MACROD2: variants seen among roughly 807,000 people sequenced by gnomAD.
MACROD2 encodes mono-ADP ribosylhydrolase 2, also known as ADP-ribose glycohydrolase MACROD2.
MACROD2 carries 36 observed loss-of-function variants against 70.4 expected under a neutral mutation model. The observed-to-expected ratio is 0.51, with a 90% CI of 0.39 to 0.68. The LOEUF is 0.68. Ranked by LOEUF, MACROD2 falls within the 30% of genes least tolerant of loss-of-function variation. The pLI, the probability that MACROD2 is intolerant of heterozygous loss-of-function variation, is 0.00. For synonymous variants in MACROD2, 172 were observed against 178.8 expected, an observed-to-expected ratio of 0.96 and a Z score of 0.30; for missense variants, 496 against 538.4, an observed-to-expected ratio of 0.92 and a Z score of 0.78.
intron 3 of MACROD2, among the ~76,000 whole-genome samples, chr20:14,406,939 T>C (rs2083696669): frequency 6.6e-6 from 1 of 152,166 alleles, no homozygotes; most frequent in Admixed American, 6.6e-5. Flanking sequence ...AAAGAGCCTT[T>C]CTTGGAATGG....
At chr20:15,103,874 G>C (rs746122850) in intron 5 of MACROD2, among the ~76,000 whole-genome samples, 1 of 152,112 alleles carries the variant, frequency 6.6e-6, no homozygotes, top group South Asian at 2.1e-4. Flanking sequence ...ATGTGCTAGT[G>C]CAGGAATGAG....
intron 17 of MACROD2, among the ~76,000 whole-genome samples, chr20:16,048,607 A>G (rs2067416356): frequency 6.6e-6 from 1 of 152,174 alleles, no homozygotes; most frequent in Non-Finnish European, 1.5e-5. Context: ...TATAAAATAC[A>G]GAACCACAAG....
At chr20:15,878,074 T>G (rs2064701184) in intron 9 of MACROD2, among the ~76,000 whole-genome samples, 1 of 152,048 alleles carries the variant, frequency 6.6e-6, no homozygotes, top group Non-Finnish European at 1.5e-5. Context: ...CTAGTCTCCA[T>G]TCATGCTCAT....
chr20:14,076,919 T>C (rs2053923093), intron 2 of MACROD2, among the ~76,000 whole-genome samples: 1 of 152,182 alleles, frequency 6.6e-6, no homozygotes, highest in East Asian at 1.9e-4. Context: ...AAACATGCAC[T>C]AACATTGAAT....
chr20:15,082,871 T>A (rs1008523213), intron 5 of MACROD2, among the ~76,000 whole-genome samples: 9 of 152,120 alleles, frequency 5.9e-5, no homozygotes, highest in Non-Finnish European at 1.3e-4. Context: ...AAAAGCCAAA[T>A]GCCAAAGGGT....
At chr20:14,787,688 G>A (rs1272918116) in intron 5 of MACROD2, among the ~76,000 whole-genome samples, 5 of 152,072 alleles carry the variant, frequency 3.3e-5, no homozygotes, top group East Asian at 1.9e-4. Context: ...CCATGTTCCC[G>A]TGTTGAGACT....
At chr20:14,225,622 G>T (rs2876375) in intron 3 of MACROD2, among the ~76,000 whole-genome samples, 147,625 of 152,318 alleles carry the variant, frequency 0.97, 71,553 homozygotes, top group Admixed American at 0.99. Flanking sequence ...TGCCAATCAA[G>T]TCGCAAGTGT....
chr20:15,256,232 C>T (rs1356661264), intron 6 of MACROD2, among the ~76,000 whole-genome samples: 1 of 151,942 alleles, frequency 6.6e-6, no homozygotes, highest in African/African-American at 2.4e-5. Context: ...TCTTACTCTC[C>T]TCTTCTTTTG....
At chr20:15,772,095 AAAAAAAATATATATAT>A (rs1568552237) in intron 8 of MACROD2, among the ~76,000 whole-genome samples, 1 of 94,296 alleles carries the variant, frequency 1.1e-5, no homozygotes, top group Non-Finnish European at 1.9e-5. Context: ...AAAAAAAAAA[AAAAAAAATATATATAT>A]ATATATATAT....
chr20:15,929,966 C>CAT (rs2065549562), intron 10 of MACROD2, among the ~76,000 whole-genome samples: 1 of 152,136 alleles, frequency 6.6e-6, no homozygotes, highest in African/African-American at 2.4e-5. Context: ...GCTTTTTCAG[C>CAT]ATGGGAAAGT....
At chr20:14,006,554 T>A (rs754725395) in intron 2 of MACROD2, among the ~76,000 whole-genome samples, 1 of 152,242 alleles carries the variant, frequency 6.6e-6, no homozygotes, top group Non-Finnish European at 1.5e-5. Flanking sequence ...AATTTTGATA[T>A]AATTAAATAT....
intron 5 of MACROD2, among the ~76,000 whole-genome samples, chr20:15,130,581 C>T (rs1167180859): frequency 3.9e-5 from 6 of 151,990 alleles, no homozygotes; most frequent in Admixed American, 6.6e-5. Flanking sequence ...ACCTTGATGT[C>T]TCCATGATGG....
chr20:14,659,506 A>G (rs1345041200), intron 4 of MACROD2, among the ~76,000 whole-genome samples: 1 of 152,100 alleles, frequency 6.6e-6, no homozygotes, highest in East Asian at 1.9e-4. Context: ...TGCTGTCTTT[A>G]TTGTGCCAGA....
At chr20:14,630,612 T>C (rs1410758856) in intron 4 of MACROD2, among the ~76,000 whole-genome samples, 2 of 152,168 alleles carry the variant, frequency 1.3e-5, no homozygotes, top group Non-Finnish European at 2.9e-5. Flanking sequence ...ACTTACACAA[T>C]AGGATTTTAA....
chr20:15,919,231 A>G (rs376446036), intron 10 of MACROD2, among the ~76,000 whole-genome samples: 28 of 152,320 alleles, frequency 1.8e-4, no homozygotes, highest in African/African-American at 6.3e-4. Context: ...TGAGGGATTC[A>G]TGTGTCGTTT....
chr20:14,184,037 T>A (rs2081325675), intron 3 of MACROD2, among the ~76,000 whole-genome samples: 1 of 152,194 alleles, frequency 6.6e-6, no homozygotes, highest in Non-Finnish European at 1.5e-5. Context: ...GTTCTTTAGT[T>A]TAATTAGATC....
chr20:15,738,130 A>G (rs779403484), intron 8 of MACROD2, among the ~76,000 whole-genome samples: 2 of 152,188 alleles, frequency 1.3e-5, no homozygotes, highest in African/African-American at 2.4e-5. Flanking sequence ...GTAGTATTTG[A>G]TAGCACAGCA....
intron 3 of MACROD2, among the ~76,000 whole-genome samples, chr20:14,222,817 A>G (rs1260429038): frequency 0.097 from 893 of 9,174 alleles, 39 homozygotes; most frequent in African/African-American, 0.3. Context: ...ATTTCTGAAA[A>G]AAAAAAAAAA....
chr20:14,139,116 G>A (rs1601269765), intron 3 of MACROD2, among the ~76,000 whole-genome samples: 1 of 152,164 alleles, frequency 6.6e-6, no homozygotes, highest in East Asian at 1.9e-4. Context: ...ATTCTGAGAA[G>A]TCATTTATGA....
Sources: allele counts gnomAD v4.1 joint callset (sites outside exome capture counted in the v4.1 genomes callset), GRCh38; gene constraint gnomAD v4.1.1; transcripts MANE v1.5; gene names NCBI Gene and HGNC (gene_info 2026-07-23, HGNC 2026-07-21).